Variants in POLR1D observed in about 807,000 individuals in gnomAD.
POLR1D encodes RNA polymerase I and III subunit D, also known as DNA-directed RNA polymerases I and III subunit RPAC2.
In POLR1D, 8 loss-of-function variants were observed where a neutral mutation model predicts 10.8. That is an observed-to-expected ratio of 0.74 (90% CI 0.43 to 1.33). POLR1D has a LOEUF of 1.33. Among genes scored for constraint, POLR1D ranks in the 40% most tolerant of loss-of-function variants. POLR1D has a pLI of 0.01. For synonymous variants in POLR1D, 54 were observed against 57.2 expected, an observed-to-expected ratio of 0.94 and a Z score of 0.25; for missense variants, 152 against 161.7, an observed-to-expected ratio of 0.94 and a Z score of 0.32.
chr13:27,653,374 A>C (rs1338566585), intron 2 of POLR1D, among the ~76,000 whole-genome samples: 1 of 152,206 alleles, frequency 6.6e-6, no homozygotes, highest in Non-Finnish European at 1.5e-5. Flanking sequence ...GACAACTAGC[A>C]GCTTCTTCCC....
At chr13:27,658,144 A>C (rs930569848) in intron 2 of POLR1D, among the ~76,000 whole-genome samples, 4 of 152,258 alleles carry the variant, frequency 2.6e-5, no homozygotes, top group African/African-American at 9.6e-5. Context: ...CCTGTGCCCC[A>C]CTATCAGTGA....
At chr13:27,662,370 C>T (rs932065488) in intron 2 of POLR1D, among the ~76,000 whole-genome samples, 1 of 151,742 alleles carries the variant, frequency 6.6e-6, no homozygotes, top group East Asian at 1.9e-4. Context: ...ACACCCCCCC[C>T]ACCACTACTC....
rs3081355 is a variant in POLR1D at position 27,635,696 on chromosome 13, CTATATATATATATATA to C, written c.27-12668_27-12653del. On this transcript the variant is annotated intron_variant, in intron 1 of 2. Coordinates refer to the POLR1D transcript ENST00000399697. ...TCAGTGCTCTATAGTTACAAAGTAA[CTATATATATATATATA>C]TATATATATATATACATACACACAT... 2.8e-5 allele frequency among the ~76,000 whole-genome samples: 4 copies of C among 140,576 alleles called. 1 individual carries two copies. Among genetic ancestry groups the C allele is most frequent in the South Asian group, 2.2e-4 (1 of 4,478 alleles). 92.2% of individuals were successfully genotyped at this position (140,576 alleles called of 152,430 possible). A position where few individuals can be genotyped will look rare whatever the true frequency, so the allele number is the denominator to read the frequency against.
At chr13:27,662,290 C>T (rs912337672) in intron 2 of POLR1D, among the ~76,000 whole-genome samples, 1 of 151,876 alleles carries the variant, frequency 6.6e-6, no homozygotes, top group African/African-American at 2.4e-5. Flanking sequence ...CCTTTGTATC[C>T]AAATAAGTCT....
At chr13:27,636,599 C>G (rs1956126423) in intron 1 of POLR1D, among the ~76,000 whole-genome samples, 1 of 152,136 alleles carries the variant, frequency 6.6e-6, no homozygotes, top group African/African-American at 2.4e-5. Context: ...ATTTAGGGGT[C>G]TAATATTTCA....
chr13:27,634,540 C>T (rs74040826), intron 1 of POLR1D, among the ~76,000 whole-genome samples: 88 of 152,242 alleles, frequency 5.8e-4, no homozygotes, highest in African/African-American at 2.0e-3. Context: ...GTTTAATCCT[C>T]CTTCAAGGTA....
chr13:27,622,012 A>G lies in POLR1D; in HGVS notation c.26+3A>G, dbSNP rs1375959274. ...GAAGAGGATCAGGAGCTGGAGAGGTAACGGCCGAGGAGGAGGCGGGCGGAG... is the reference window on the plus strand; with the variant it reads ...GAAGAGGATCAGGAGCTGGAGAGGTGACGGCCGAGGAGGAGGCGGGCGGAG... On this transcript the variant is annotated splice_donor_region_variant and intron_variant, in intron 1 of 1. Coordinates refer to ENST00000302979, the MANE Select transcript of POLR1D (RefSeq NM_015972.4). 5 of 1,588,216 alleles carry G rather than the reference A, an allele frequency of 3.1e-6. No individual in the cohort carries two copies. The highest frequency in any genetic ancestry group is 1.1e-5 in the South Asian group (1 of 87,184).
At position 27,639,437 on chromosome 13, in the gene POLR1D, A is replaced by G. The variant is rs185536404; in HGVS notation, c.27-8942A>G. 2.3e-3 allele frequency among the ~76,000 whole-genome samples: 353 copies of G among 152,244 alleles called. 4 individuals are homozygous for G. The highest frequency in any genetic ancestry group is 0.01 in the Middle Eastern group (3 of 294). On this transcript the variant is annotated intron_variant, in intron 1 of 2. Coordinates refer to the POLR1D transcript ENST00000399697. ...ACATTTCCTAAGTAACCCTATCATCACCACCCCACAAAGTTATTTTCAGTA... is the reference window on the plus strand; with the variant it reads ...ACATTTCCTAAGTAACCCTATCATCGCCACCCCACAAAGTTATTTTCAGTA...
At chr13:27,659,169 G>T (rs187223462) in intron 2 of POLR1D, among the ~76,000 whole-genome samples, 35 of 152,264 alleles carry the variant, frequency 2.3e-4, no homozygotes, top group Admixed American at 9.8e-4. Flanking sequence ...ATCCAGACAT[G>T]TGTTTATTTA....
rs3081355 is a variant in POLR1D at position 27,635,696 on chromosome 13, C to CTATATATATA, written c.27-12662_27-12653dup. Among the ~76,000 whole-genome samples, 265 of 140,518 alleles carry CTATATATATA rather than the reference C, an allele frequency of 1.9e-3. 2 individuals carry two copies. Among genetic ancestry groups the CTATATATATA allele is most frequent in the South Asian group, 2.5e-3 (11 of 4,454 alleles). 92.2% of individuals were successfully genotyped at this position (140,518 alleles called of 152,430 possible). ...TCAGTGCTCTATAGTTACAAAGTAA[C>CTATATATATA]TATATATATATATATATATATATAT... On this transcript the variant is annotated intron_variant, in intron 1 of 2. Transcript: ENST00000399697.
chr13:27,638,980 C>T (rs1956152328), intron 1 of POLR1D, among the ~76,000 whole-genome samples: 1 of 150,902 alleles, frequency 6.6e-6, no homozygotes, highest in African/African-American at 2.4e-5. Flanking sequence ...TATTTTTTTC[C>T]TGTCTACATT....
downstream of POLR1D, among the ~76,000 whole-genome samples, chr13:27,628,234 G>T (rs1956037309): frequency 6.6e-6 from 1 of 152,196 alleles, no homozygotes; most frequent in Non-Finnish European, 1.5e-5. Context: ...CTTACGGTCT[G>T]CACTCACCAA....
chr13:27,660,016 T>C (rs559035181), intron 2 of POLR1D, among the ~76,000 whole-genome samples: 193 of 152,096 alleles, frequency 1.3e-3, no homozygotes, highest in Non-Finnish European at 2.2e-3. Context: ...GAGACAGTCA[T>C]TGAACACCCA....
chr13:27,644,712 T>A (rs1416458715), intron 1 of POLR1D, among the ~76,000 whole-genome samples: 1 of 152,202 alleles, frequency 6.6e-6, no homozygotes, highest in African/African-American at 2.4e-5. Flanking sequence ...ACTAAGTTTA[T>A]GTCTGAATAA....
At chr13:27,632,229 G>A (rs964701455) in intron 1 of POLR1D, among the ~76,000 whole-genome samples, 3 of 152,204 alleles carry the variant, frequency 2.0e-5, no homozygotes, top group Non-Finnish European at 4.4e-5. Flanking sequence ...CAGTATGGGA[G>A]AGTGATATGA....
chr13:27,623,029 A>G lies in POLR1D; in HGVS notation c.181A>G (p.Lys61Glu). The G allele has an allele frequency of 6.2e-7, 1 of 1,614,108 alleles. No homozygotes were observed. The highest frequency in any genetic ancestry group is 8.5e-7 in the Non-Finnish European group (1 of 1,179,948). The change falls in exon 2 of 2, where the codon AAG (lysine) becomes GAG (glutamate). Residue 61 changes from lysine (K) to glutamate (E), a missense_variant. Transcript: ENST00000302979. Reference sequence around the variant, plus strand: ...AAATTCTCTACGTTACATGATCATGAAGAACCCGGAAGTGGAATTTTGTGG... The same window carrying G: ...AAATTCTCTACGTTACATGATCATGGAGAACCCGGAAGTGGAATTTTGTGG... Reference protein sequence around the residue: ...LGNSLRYMIMKNPEVEFCGYT... With the variant: ...LGNSLRYMIMENPEVEFCGYT...
chr13:27,647,256 C>T (rs1956229025), intron 1 of POLR1D, among the ~76,000 whole-genome samples: 1 of 151,860 alleles, frequency 6.6e-6, no homozygotes, highest in African/African-American at 2.4e-5. Flanking sequence ...TTTTTTTAAC[C>T]TCTTCAAAAA....
chr13:27,622,147 G>A (rs1488695709), intron 1 of POLR1D, 138 bp downstream of exon 1: 2 of 739,776 alleles, frequency 2.7e-6, no homozygotes, highest in Admixed American at 4.3e-5. Flanking sequence ...GTGGGGAGGA[G>A]ACATGAATGT....
At chr13:27,627,495 A>G (rs1467632121), downstream of POLR1D, among the ~76,000 whole-genome samples, 2 of 152,134 alleles carry the variant, frequency 1.3e-5, no homozygotes, top group African/African-American at 2.4e-5. Context: ...TTGTATTGAC[A>G]ATGAAGTGCC....
Sources: allele counts gnomAD v4.1 joint callset (sites outside exome capture counted in the v4.1 genomes callset), GRCh38; gene constraint gnomAD v4.1.1; transcripts MANE v1.5; gene names NCBI Gene and HGNC (gene_info 2026-07-23, HGNC 2026-07-21).